GLIS3: variants seen among roughly 807,000 people sequenced by gnomAD.
GLIS3 encodes GLIS family zinc finger 3.
A neutral mutation model predicts 78.6 loss-of-function variants in GLIS3; 53 were observed. The observed-to-expected ratio is 0.67, with a 90% CI of 0.54 to 0.85. GLIS3 has a LOEUF of 0.85. GLIS3 is among the 40% of genes least tolerant of loss of function. GLIS3 has a pLI of 0.00. For missense variants in GLIS3, 1,703 were observed against 1,231.1 expected (o/e 1.38, Z -5.74); for synonymous variants, 684 against 509.9 (o/e 1.34, Z -4.60).
At chr9:4,083,470 G>A (rs909521107) in intron 4 of GLIS3, among the ~76,000 whole-genome samples, 5 of 152,118 alleles carry the variant, frequency 3.3e-5, no homozygotes, top group Non-Finnish European at 1.5e-5. Flanking sequence ...AATGTTTGAA[G>A]TGGAGAAGAT....
chr9:4,017,708 G>A (rs77385427), intron 4 of GLIS3, among the ~76,000 whole-genome samples: 198 of 152,300 alleles, frequency 1.3e-3, no homozygotes, highest in African/African-American at 4.6e-3. Flanking sequence ...CCTGGTATCA[G>A]AGTGTTGGTA....
At chr9:3,957,700 C>T (rs1344603167) in intron 4 of GLIS3, among the ~76,000 whole-genome samples, 13 of 152,206 alleles carry the variant, frequency 8.5e-5, no homozygotes, top group Admixed American at 7.9e-4. Flanking sequence ...CACCAACAGA[C>T]TTCTTGGTGA....
At chr9:4,278,126 G>C (rs1410050688) in intron 2 of GLIS3, among the ~76,000 whole-genome samples, 1 of 152,200 alleles carries the variant, frequency 6.6e-6, no homozygotes, top group Non-Finnish European at 1.5e-5. Flanking sequence ...CACTGATGTT[G>C]CTGAAAACAC....
intron 2 of GLIS3, among the ~76,000 whole-genome samples, chr9:4,182,660 T>C (rs1817435935): frequency 2.0e-5 from 3 of 152,176 alleles, no homozygotes. Context: ...GGGCAAGATC[T>C]CCATGAGTCA....
intron 4 of GLIS3, among the ~76,000 whole-genome samples, chr9:4,051,340 A>G (rs928992256): frequency 8.5e-5 from 13 of 152,200 alleles, no homozygotes; most frequent in African/African-American, 2.4e-4. Flanking sequence ...GCCACTTACA[A>G]GTGGTTAGGT....
intron 1 of GLIS3, chr9:4,347,306 A>C (rs1351902905): frequency 1.3e-5 from 2 of 152,076 alleles, no homozygotes; most frequent in African/African-American, 2.4e-5. Context: ...GGAGGGCATT[A>C]ATCTACTCAT....
chr9:4,155,600 T>C (rs1263395852), intron 2 of GLIS3, among the ~76,000 whole-genome samples: 1 of 152,242 alleles, frequency 6.6e-6, no homozygotes. Flanking sequence ...TCACCGGTTA[T>C]CTTTTAACCA....
intron 2 of GLIS3, among the ~76,000 whole-genome samples, chr9:4,195,126 T>C (rs978234962): frequency 2.0e-5 from 3 of 152,234 alleles, no homozygotes; most frequent in Non-Finnish European, 4.4e-5. Context: ...CTCCTCCAAC[T>C]GAGAGGTGAC....
intron 2 of GLIS3, among the ~76,000 whole-genome samples, chr9:4,196,459 TCA>T (rs1362088393): frequency 3.9e-5 from 6 of 152,206 alleles, no homozygotes; most frequent in African/African-American, 1.2e-4. Context: ...TTGCTGCTCC[TCA>T]CTATTTGGGT....
intron 4 of GLIS3, among the ~76,000 whole-genome samples, chr9:4,023,347 C>A (rs186904857): frequency 7.6e-4 from 116 of 152,210 alleles, no homozygotes; most frequent in African/African-American, 2.7e-3. Flanking sequence ...TAAACAAAAC[C>A]CCATTCTGCT....
At chr9:4,365,703 C>T in the GLIS3 span, among the ~76,000 whole-genome samples, 3 of 152,366 alleles carry the variant, frequency 2.0e-5, no homozygotes, top group African/African-American at 7.2e-5. Flanking sequence ...TGACTACTTG[C>T]TTGCAGTGCT....
At chr9:4,052,593 G>C (rs1041595104) in intron 4 of GLIS3, among the ~76,000 whole-genome samples, 2 of 152,134 alleles carry the variant, frequency 1.3e-5, no homozygotes, top group Non-Finnish European at 2.9e-5. Context: ...ACAATATGTG[G>C]CCTTTTGTGC....
At chr9:4,301,992 CT>C (rs78812027), upstream of GLIS3, among the ~76,000 whole-genome samples, 271 of 132,654 alleles carry the variant, frequency 2.0e-3, no homozygotes, top group East Asian at 6.2e-3. Context: ...GAATTTTTTT[CT>C]TTTTTTTTTT....
At chr9:4,092,152 A>ATTT (rs112790451) in intron 4 of GLIS3, among the ~76,000 whole-genome samples, 8 of 137,618 alleles carry the variant, frequency 5.8e-5, no homozygotes, top group East Asian at 2.1e-4. Flanking sequence ...CTGTTTTACA[A>ATTT]TTTTTTTTTT....
the GLIS3 span, among the ~76,000 whole-genome samples, chr9:4,366,624 G>T: frequency 6.6e-6 from 1 of 152,216 alleles, no homozygotes; most frequent in African/African-American, 2.4e-5. Flanking sequence ...TTTCCTGTAA[G>T]AGAGCTGTTT....
chr9:4,483,450 T>A, the GLIS3 span, among the ~76,000 whole-genome samples: 2 of 152,202 alleles, frequency 1.3e-5, no homozygotes, highest in Non-Finnish European at 2.9e-5. Flanking sequence ...CTGGGTGCGG[T>A]GGCTCACGCC....
chr9:4,431,582 T>A, the GLIS3 span, among the ~76,000 whole-genome samples: 1 of 152,290 alleles, frequency 6.6e-6, no homozygotes, highest in East Asian at 1.9e-4. Context: ...TGGTGCCTCA[T>A]GCCTGTAATC....
the GLIS3 span, among the ~76,000 whole-genome samples, chr9:4,489,350 G>C: frequency 1.3e-5 from 2 of 152,150 alleles, no homozygotes; most frequent in Non-Finnish European, 2.9e-5. Context: ...TTACACCAAA[G>C]GGATGAAGCT....
the GLIS3 span, among the ~76,000 whole-genome samples, chr9:4,429,646 T>A: frequency 6.6e-6 from 1 of 152,096 alleles, no homozygotes; most frequent in Non-Finnish European, 1.5e-5. Context: ...TAGTTCTGCG[T>A]CCCCCAGTAG....
Sources: gnomAD v4.1 joint callset for allele counts (sites outside exome capture counted in the v4.1 genomes callset) on GRCh38, gnomAD v4.1.1 for gene constraint, MANE v1.5 for transcripts, NCBI Gene and HGNC (gene_info 2026-07-23, HGNC 2026-07-21) for gene names.